TNIP1: variants seen among roughly 807,000 people sequenced by gnomAD.
The protein encoded by TNIP1 is TNFAIP3-interacting protein 1.
TNIP1 carries 22 observed loss-of-function variants against 86.6 expected under a neutral mutation model. That is an observed-to-expected ratio of 0.25 (90% CI 0.18 to 0.36). The LOEUF (loss-of-function observed/expected upper bound fraction) is 0.36, where lower values mean the gene tolerates loss of function less well. Among genes scored for constraint, TNIP1 ranks in the 10% least tolerant of loss-of-function variants. TNIP1 has a pLI of 1.00. For synonymous variants in TNIP1, 294 were observed against 313.0 expected (o/e 0.94, Z 0.64); for missense variants, 709 against 820.6 (o/e 0.86, Z 1.66).
intron 11 of TNIP1, among the ~76,000 whole-genome samples, chr5:151,040,902 C>T (rs1382133401): frequency 6.6e-6 from 1 of 152,118 alleles, no homozygotes. Flanking sequence ...AGTCAAGTGG[C>T]CTTTCCTCTT....
At chr5:151,056,084 T>C (rs12516176) in intron 6 of TNIP1, among the ~76,000 whole-genome samples, 42,895 of 152,048 alleles carry the variant, frequency 0.28, 6,197 homozygotes, top group African/African-American at 0.34. Context: ...TGGAGGCACT[T>C]CTAGCTCATG....
Position 151,032,311 on chromosome 5 carries a change from G to T in TNIP1, c.1852C>A (p.Pro618Thr). Residue 618 changes from proline (P) to threonine (T), a missense_variant, in exon 17 of 18, where the codon CCC becomes ACC. Pro to Thr is a conservative substitution (Grantham distance 38, BLOSUM62 -1). Transcript: ENST00000521591. ...PNQSSQVMDPPTARPTEPESP... is the reference protein window; with the variant it reads ...PNQSSQVMDPTTARPTEPESP... ...CCTGGTTCTGTAGGCCTGGCTGTGG[G>T]AGGGTCCATCACTTGGGAGCTCTGA... 6.2e-7 allele frequency: 1 copy of T among 1,614,080 alleles called. No individual in the cohort carries two copies. The highest frequency in any genetic ancestry group is 8.5e-7 in the Non-Finnish European group (1 of 1,179,968).
At position 151,035,030 on chromosome 5, in the gene TNIP1, G is replaced by A. The variant is rs765113644; in HGVS notation, c.1559C>T (p.Ala520Val). ...AFKDEEKARE[A>V]LRQQKRKAKA... ...TGCTTTCCTCTTCTGCTGTCTGAGG[G>A]CTTCTCTTGCCTTCTCCTCATCTTT... The change falls in exon 15 of 18, where the codon GCC becomes GTC. Residue 520 changes from alanine (A) to valine (V), a missense_variant. Physicochemically the swap from Ala to Val is moderately conservative, Grantham distance 64. Coordinates refer to ENST00000521591, the MANE Select transcript of TNIP1 (RefSeq NM_006058.5). 6.2e-7 allele frequency: 1 copy of A among 1,614,126 alleles called. No homozygotes were observed. Among genetic ancestry groups the A allele is most frequent in the East Asian group, 2.2e-5 (1 of 44,888 alleles).
intron 9 of TNIP1, among the ~76,000 whole-genome samples, 193 bp downstream of exon 9, chr5:151,045,668 G>A (rs1339666729): frequency 6.6e-6 from 1 of 152,140 alleles, no homozygotes; most frequent in Non-Finnish European, 1.5e-5. Context: ...GTAGGCAAAG[G>A]GACTGATCAA....
chr5:151,083,928 A>T (rs1036440839), upstream of TNIP1, among the ~76,000 whole-genome samples: 1 of 152,222 alleles, frequency 6.6e-6, no homozygotes, highest in African/African-American at 2.4e-5. Flanking sequence ...TTGCCTCCCA[A>T]CCAGCTTATG....
chr5:151,064,287 G>A (rs1394136338), intron 2 of TNIP1, among the ~76,000 whole-genome samples: 2 of 152,218 alleles, frequency 1.3e-5, no homozygotes, highest in African/African-American at 4.8e-5. Flanking sequence ...TAAAAATCAG[G>A]GGGCTATGCT....
At chr5:151,058,104 T>C (rs1420948282) in intron 5 of TNIP1, among the ~76,000 whole-genome samples, 1 of 152,158 alleles carries the variant, frequency 6.6e-6, no homozygotes, top group Non-Finnish European at 1.5e-5. Context: ...TATTTTTAGT[T>C]GAGACGGGGT....
At position 151,049,919 on chromosome 5, in the gene TNIP1, A is replaced by G; in HGVS notation, c.751T>C (p.Leu251=). The G allele has an allele frequency of 6.2e-7, 1 of 1,614,188 alleles. No homozygotes were observed. ...REENLELKKL[L]MSNGNKEGAS... The stretch of plus-strand genomic sequence containing the variant: ...CCCTCTTTGTTGCCATTGCTCATCA[A>G]CAACTTCTTGAGCTCCAAATTTTCC... The change falls in exon 8 of 18, where the codon TTG becomes CTG. Residue 251 remains leucine (L), a synonymous_variant. Coordinates refer to ENST00000521591, the MANE Select transcript of TNIP1 (RefSeq NM_006058.5).
In TNIP1 at chr5:151,041,815, G is replaced by A. The variant is rs900885938; in HGVS notation, c.1134+725C>T. Among the ~76,000 whole-genome samples the A allele has an allele frequency of 2.0e-5, 3 of 152,168 alleles. No individual in the cohort carries two copies. In the East Asian group the frequency reaches 5.8e-4, roughly 29 times the overall value. On this transcript the variant is annotated intron_variant, in intron 11 of 17. Transcript: ENST00000521591. The stretch of plus-strand genomic sequence containing the variant: ...GAGACAGGCTCTGAAGACAAATGCC[G>A]GGATGAATGGATAAATGAAGCTCTG...
chr5:151,065,891 G>GT (rs992671267), intron 1 of TNIP1, among the ~76,000 whole-genome samples: 12 of 151,474 alleles, frequency 7.9e-5, no homozygotes, highest in East Asian at 5.8e-4. Flanking sequence ...GAGCACCAAG[G>GT]TTTTTTTTTA....
chr5:151,053,165 A>G (rs1370545931), intron 6 of TNIP1, among the ~76,000 whole-genome samples: 2 of 133,526 alleles, frequency 1.5e-5, no homozygotes, highest in African/African-American at 5.7e-5. Flanking sequence ...GCTGGACTGC[A>G]GTAGCATGAT....
intron 1 of TNIP1, 83 bp from the exon 2 acceptor site, chr5:151,065,214 C>T: frequency 8.1e-7 from 1 of 1,233,820 alleles, no homozygotes. Flanking sequence ...CTGTCAATGC[C>T]CCAGAAGGCA....
Position 151,033,090 on chromosome 5 carries a change from C to T in TNIP1, c.1779+518G>A, listed in dbSNP as rs115451547. On this transcript the variant is annotated intron_variant, in intron 16 of 17. Coordinates refer to ENST00000521591, the MANE Select transcript of TNIP1 (RefSeq NM_006058.5). ...GCAATGAGCCGAGATCGTATCACTG[C>T]ACTCCAGCATGGGCAAAAAAGAGTG... Among the ~76,000 whole-genome samples, 756 of 130,080 alleles carry T rather than the reference C, an allele frequency of 5.8e-3. 5 individuals are homozygous for T. Among genetic ancestry groups the T allele is most frequent in the African/African-American group, 0.021 (723 of 34,356 alleles). 85.3% of individuals were successfully genotyped at this position (130,080 alleles called of 152,430 possible). A position where few individuals can be genotyped will look rare whatever the true frequency, so the allele number is the denominator to read the frequency against.
intron 8 of TNIP1, among the ~76,000 whole-genome samples, chr5:151,048,304 G>A (rs1340679956): frequency 2.6e-5 from 4 of 152,166 alleles, no homozygotes; most frequent in Non-Finnish European, 4.4e-5. Flanking sequence ...CCCCTAAAGA[G>A]CAACAGCTAA....
intron 5 of TNIP1, among the ~76,000 whole-genome samples, chr5:151,058,417 A>T (rs903691047): frequency 1.3e-5 from 2 of 152,174 alleles, no homozygotes; most frequent in African/African-American, 4.8e-5. Context: ...CCTACCAAAG[A>T]CATTGCCTTT....
chr5:151,081,064 CT>C (rs1194021819), upstream of TNIP1: 3 of 152,278 alleles, frequency 2.0e-5, no homozygotes, highest in African/African-American at 7.2e-5. Context: ...CGCCCCACCC[CT>C]GGGAAAGTCC....
At chr5:151,041,196 G>A (rs1005528256) in intron 11 of TNIP1, among the ~76,000 whole-genome samples, 16 of 151,410 alleles carry the variant, frequency 1.1e-4, no homozygotes, top group Non-Finnish European at 2.1e-4. Context: ...TCAGTCTACC[G>A]AGTAGCTGGG....
intron 13 of TNIP1, among the ~76,000 whole-genome samples, chr5:151,036,448 T>A (rs1757712696): frequency 1.3e-5 from 2 of 152,238 alleles, no homozygotes; most frequent in African/African-American, 4.8e-5. Context: ...TACAGTTACT[T>A]TCTACTTGTG....
intron 17 of TNIP1, among the ~76,000 whole-genome samples, chr5:151,031,094 T>C (rs1022311283): frequency 6.6e-6 from 1 of 152,182 alleles, no homozygotes; most frequent in African/African-American, 2.4e-5. Flanking sequence ...TACCAATCTC[T>C]ACCACTCATC....
Sources: gnomAD v4.1 joint callset for allele counts (sites outside exome capture counted in the v4.1 genomes callset) on GRCh38, gnomAD v4.1.1 for gene constraint, MANE v1.5 for transcripts, NCBI Gene and HGNC (gene_info 2026-07-23, HGNC 2026-07-21) for gene names.